VWA7: variants seen among roughly 807,000 people sequenced by gnomAD.
VWA7 encodes von Willebrand factor A domain containing 7.
VWA7 carries 66 observed loss-of-function variants against 83.1 expected under a neutral mutation model. That is an observed-to-expected ratio of 0.79 (90% CI 0.65 to 0.98). The LOEUF is 0.98. Ranked by LOEUF, VWA7 falls within the 50% of genes least tolerant of loss-of-function variation. The pLI, the probability that VWA7 is intolerant of heterozygous loss-of-function variation, is 0.00. For missense variants in VWA7, 1,080 were observed against 1,160.2 expected (o/e 0.93, Z 1.00); for synonymous variants, 424 against 488.5 (o/e 0.87, Z 1.74).
chr6:31,771,990 C>CA (rs34193146), intron 7 of VWA7, among the ~76,000 whole-genome samples: 601 of 41,822 alleles, frequency 0.014, 36 homozygotes, highest in East Asian at 0.042. Context: ...GACTCCGTCT[C>CA]AAAAAAAAAA....
At chr6:31,767,062 C>CATTATATATATAATATATATATTATAT in intron 13 of VWA7, 96 bp downstream of exon 13, 2 of 349,090 alleles carry the variant, frequency 5.7e-6, no homozygotes, top group Non-Finnish European at 1.0e-5. Context: ...TACATATATA[C>CATTATATATATAATATATATATTATAT]ATTATATATA....
rs1412262208 is a variant in VWA7 at position 31,769,821 on chromosome 6, C to G, written c.1201-30G>C. ...CAGGGAAGGCAACGACCAGTGTTAA[C>G]AATGGCAGTAGGAGGGGAATGGGTA... On this transcript the variant is annotated intron_variant, in intron 8 of 16. Coordinates refer to ENST00000375688, the MANE Select transcript of VWA7 (RefSeq NM_025258.3). The surrounding 1 kb of genome is among the most constrained non-coding windows in gnomAD (Gnocchi z 4.5). The G allele has an allele frequency of 6.3e-7, 1 of 1,599,168 alleles. No homozygotes were observed. Among genetic ancestry groups the G allele is most frequent in the East Asian group, 2.2e-5 (1 of 44,828 alleles).
Position 31,765,625 on chromosome 6 carries a change from AC to A in VWA7, c.2644del (p.Val882CysfsTer5), listed in dbSNP as rs1811439894. The part of the protein sequence containing the change: ...GSPWWGTVGG[V>X]LLLLGLASW Reference sequence around the variant, plus strand: ...GGAGGCCAGGCCTAGCAGAAGCAGCACCCCTCCAACTGTGCCCCACCAGGGG... The same window carrying A: ...GGAGGCCAGGCCTAGCAGAAGCAGCACCCTCCAACTGTGCCCCACCAGGGG... On this transcript the variant is annotated frameshift_variant, in exon 17 of 17. Coordinates refer to ENST00000375688, the MANE Select transcript of VWA7 (RefSeq NM_025258.3). LOFTEE classifies it high-confidence loss of function. The A allele has an allele frequency of 3.7e-6, 6 of 1,610,378 alleles. No individual in the cohort carries two copies. Among genetic ancestry groups the A allele is most frequent in the South Asian group, 1.1e-5 (1 of 90,738 alleles).
intron 10 of VWA7, among the ~76,000 whole-genome samples, chr6:31,768,636 C>T (rs996099255): frequency 3.9e-5 from 6 of 151,980 alleles, no homozygotes; most frequent in African/African-American, 1.2e-4. Flanking sequence ...GTCAGGAGTA[C>T]GAAACCAGCC....
chr6:31,765,940 GT>G lies in VWA7; in HGVS notation c.2441del (p.Asn814ThrfsTer47). 6.2e-7 allele frequency: 1 copy of G among 1,613,126 alleles called. No homozygotes were observed. Among genetic ancestry groups the G allele is most frequent in the Non-Finnish European group, 8.5e-7 (1 of 1,180,040 alleles). ...GGAAAGCATGAGTCGGGGGTACTGGGTTGGCTTCTCGTCCCCCTGCAGTCAC... is the reference window on the plus strand; with the variant it reads ...GGAAAGCATGAGTCGGGGGTACTGGGTGGCTTCTCGTCCCCCTGCAGTCAC... ...VTVTAGGREA[N>X]PVPPTHAFLR... On this transcript the variant is annotated frameshift_variant, in exon 16 of 17. Transcript: ENST00000375688. LOFTEE classifies it high-confidence loss of function.
rs1443092905 is a variant in VWA7 at position 31,772,939 on chromosome 6, C to T, written c.1087+15G>A. On this transcript the variant is annotated intron_variant, in intron 7 of 16. Transcript: ENST00000375688. ...ATTTTCCTCCCCTCTACTGTCCTAGCCAGACCACACTTACCTGGGTCATGA... is the reference window on the plus strand; with the variant it reads ...ATTTTCCTCCCCTCTACTGTCCTAGTCAGACCACACTTACCTGGGTCATGA... 7 of 1,607,836 alleles carry T rather than the reference C, an allele frequency of 4.4e-6. No individual in the cohort carries two copies. Among genetic ancestry groups the T allele is most frequent in the Non-Finnish European group, 5.1e-6 (6 of 1,179,254 alleles).
chr6:31,766,523 C>A lies in VWA7; in HGVS notation c.2124G>T (p.Ala708=). The A allele has an allele frequency of 6.2e-7, 1 of 1,609,212 alleles. No homozygotes were observed. Among genetic ancestry groups the A allele is most frequent in the East Asian group, 2.2e-5 (1 of 44,692 alleles). Residue 708 remains alanine (A), a synonymous_variant, in exon 14 of 17, where the codon GCG becomes GCT. Transcript: ENST00000375688. The surrounding 1 kb of genome is among the most constrained non-coding windows in gnomAD (Gnocchi z 4.9). ...GGGCAGCCCTGTGCAGGCGCCGCCC[C>A]GCTGCGTCCTGGCCAATCAGCTCCA... ...FSLELIGQDA[A]GRRLHRAAPQ... is the part of the protein sequence containing the mutation.
Position 31,769,675 on chromosome 6 carries a change from C to T in VWA7, c.1317G>A (p.Arg439=). 6.2e-7 allele frequency: 1 copy of T among 1,612,264 alleles called. No homozygotes were observed. Among genetic ancestry groups the T allele is most frequent in the Non-Finnish European group, 8.5e-7 (1 of 1,179,402 alleles). Residue 439 remains arginine (R), a splice_region_variant and synonymous_variant, in exon 9 of 17, where the codon CGG becomes CGA. Transcript: ENST00000375688. This position sits in a 1 kb window ranked among gnomAD's most constrained non-coding sequence, Gnocchi z 4.5. ...VESLTQERRC[R]VTFLVTEDTS... is the part of the protein sequence containing the mutation. ...TGGGTCTCCCACTAGCTCTGCTCACCCGGCAGCGCCGCTCCTGAGTCAGGG... is the reference window on the plus strand; with the variant it reads ...TGGGTCTCCCACTAGCTCTGCTCACTCGGCAGCGCCGCTCCTGAGTCAGGG...
chr6:31,766,080 G>A lies in VWA7; in HGVS notation c.2325-23C>T, dbSNP rs750967428. The A allele has an allele frequency of 1.6e-5, 26 of 1,611,930 alleles. No homozygotes were observed. Among genetic ancestry groups the A allele is most frequent in the Non-Finnish European group, 2.1e-5 (25 of 1,179,576 alleles). On this transcript the variant is annotated intron_variant, in intron 15 of 16. Transcript: ENST00000375688. The surrounding 1 kb of genome is among the most constrained non-coding windows in gnomAD (Gnocchi z 4.9). The stretch of plus-strand genomic sequence containing the variant: ...GCCCTGGAGAGAGGATATAGGCGTC[G>A]CTAAAGCTCCAGGCTGCCCAGAGCC...
At chr6:31,772,791 G>A (rs536095659) in intron 7 of VWA7, among the ~76,000 whole-genome samples, 163 bp downstream of exon 7, 4 of 151,294 alleles carry the variant, frequency 2.6e-5, no homozygotes, top group African/African-American at 9.7e-5. Flanking sequence ...TAGAGACGGG[G>A]TTTCTCCATA....
At chr6:31,767,303 C>G in intron 12 of VWA7, 53 bp from the exon 13 acceptor site, 1 of 1,612,816 alleles carries the variant, frequency 6.2e-7, no homozygotes, top group Non-Finnish European at 8.5e-7. Flanking sequence ...TGTGACTGAT[C>G]GTGTTCTCTG....
In VWA7 at chr6:31,769,929, G is replaced by A. The variant is rs1812008516; in HGVS notation, c.1200+72C>T. On this transcript the variant is annotated intron_variant, in intron 8 of 16. Coordinates refer to ENST00000375688, the MANE Select transcript of VWA7 (RefSeq NM_025258.3). The surrounding 1 kb of genome is among the most constrained non-coding windows in gnomAD (Gnocchi z 4.5). ...GTGGATCTAGGTGCTGAAGGTGGTG[G>A]GGAGCCCCAGGAGGGATCTAGCTCC... The A allele has an allele frequency of 6.5e-7, 1 of 1,529,148 alleles. No individual in the cohort carries two copies. The highest frequency in any genetic ancestry group is 9.0e-7 in the Non-Finnish European group (1 of 1,106,764). The allele number at this position is 1,529,148 out of a possible 1,614,324, so 94.7% of individuals were successfully genotyped here.
chr6:31,767,344 G>A lies in VWA7; in HGVS notation c.1789+18C>T. 1 of 1,612,684 alleles carries A rather than the reference G, an allele frequency of 6.2e-7. No homozygotes were observed. Among genetic ancestry groups the A allele is most frequent in the Non-Finnish European group, 8.5e-7 (1 of 1,179,196 alleles). ...TGCAGTCTCTGCTTCCCCTTCCCAG[G>A]AACACCTCCCTCCTTACCTTGCACT... On this transcript the variant is annotated intron_variant, in intron 12 of 16. Transcript: ENST00000375688.
Position 31,769,821 on chromosome 6 carries a change from C to CAA in VWA7, c.1201-32_1201-31dup. ...CAGGGAAGGCAACGACCAGTGTTAA[C>CAA]AATGGCAGTAGGAGGGGAATGGGTA... On this transcript the variant is annotated intron_variant, in intron 8 of 16. Transcript: ENST00000375688. This position sits in a 1 kb window ranked among gnomAD's most constrained non-coding sequence, Gnocchi z 4.5. 6.3e-7 allele frequency: 1 copy of CAA among 1,599,286 alleles called. No individual in the cohort carries two copies. The highest frequency in any genetic ancestry group is 1.1e-5 in the South Asian group (1 of 90,774).
rs756860156 is a variant in VWA7 at position 31,767,499 on chromosome 6, TG to T, written c.1651del (p.Gln551ArgfsTer8). 6.2e-7 allele frequency: 1 copy of T among 1,610,580 alleles called. No individual in the cohort carries two copies. Among genetic ancestry groups the T allele is most frequent in the African/African-American group, 1.3e-5 (1 of 74,864 alleles). On this transcript the variant is annotated frameshift_variant, in exon 12 of 17. Coordinates refer to ENST00000375688, the MANE Select transcript of VWA7 (RefSeq NM_025258.3). LOFTEE classifies it high-confidence loss of function. ...ACCTAGAGGACCCCCGCCTTCCTCC[TG>T]GCCCTGGGAGACCCCTGGGGTCAGG... ...IKNPAGVSQG[Q>X]EEGGGPLGHT...
Position 31,775,525 on chromosome 6 carries a change from C to A in VWA7, c.514-96G>T. On this transcript the variant is annotated intron_variant, in intron 3 of 16. Coordinates refer to ENST00000375688, the MANE Select transcript of VWA7 (RefSeq NM_025258.3). The surrounding 1 kb of genome is among the most constrained non-coding windows in gnomAD (Gnocchi z 5.9). The stretch of plus-strand genomic sequence containing the variant: ...TGCCACTCCTTTGAGTTCCCCATCC[C>A]GAAAGTCCCCTCCCACCCCTACTGC... 1 of 1,105,966 alleles carries A rather than the reference C, an allele frequency of 9.0e-7. No homozygotes were observed. The highest frequency in any genetic ancestry group is 2.6e-5 in the East Asian group (1 of 38,692). 68.5% of individuals were successfully genotyped at this position (1,105,966 alleles called of 1,614,324 possible).
In VWA7 at chr6:31,775,953, C is replaced by T. The variant is rs1408456003; in HGVS notation, c.513+11G>A. The T allele has an allele frequency of 6.2e-7, 1 of 1,603,442 alleles. No individual in the cohort carries two copies. The highest frequency in any genetic ancestry group is 8.5e-7 in the Non-Finnish European group (1 of 1,174,800). On this transcript the variant is annotated intron_variant, in intron 3 of 16. Transcript: ENST00000375688. The surrounding 1 kb of genome is among the most constrained non-coding windows in gnomAD (Gnocchi z 5.9). Reference sequence around the variant, plus strand: ...AGACCCCTCTGACCATCAACCCAACCCTGTTCTCACCTGCAGGGCATGAAG... The same window carrying T: ...AGACCCCTCTGACCATCAACCCAACTCTGTTCTCACCTGCAGGGCATGAAG...
rs1299654536 is a variant in VWA7, at chr6:31,771,026, AG to A, written c.1088-914del. On this transcript the variant is annotated intron_variant, in intron 7 of 16. Coordinates refer to ENST00000375688, the MANE Select transcript of VWA7 (RefSeq NM_025258.3). ...CTCTCTCTCTCAAAAAAAAAAAAAA[AG>A]AAAGAAAAGAAAAAAAAAAACTGGG... 2.8e-3 allele frequency among the ~76,000 whole-genome samples: 403 copies of A among 145,946 alleles called. 12 individuals are homozygous for A. The highest frequency in any genetic ancestry group is 8.4e-3 in the African/African-American group (330 of 39,326).
rs1050623294 is a variant in VWA7, at chr6:31,776,744, G to C, written c.36C>G (p.Gly12=). Reference sequence around the variant, plus strand: ...GCTGCAGCAGAAGCAACGCTGAGGGGCCCGGGTGGGATTGGGGGACCTCCG... The same window carrying C: ...GCTGCAGCAGAAGCAACGCTGAGGGCCCCGGGTGGGATTGGGGGACCTCCG... ...LPTEVPQSHP[G]PSALLLLQLL... The change falls in exon 2 of 17, where the codon GGC becomes GGG. Residue 12 remains glycine (G), a synonymous_variant. Transcript: ENST00000375688. The surrounding 1 kb of genome is among the most constrained non-coding windows in gnomAD (Gnocchi z 6.2). The C allele has an allele frequency of 2.5e-5, 36 of 1,462,100 alleles. No homozygotes were observed. The highest frequency in any genetic ancestry group is 3.3e-5 in the Non-Finnish European group (36 of 1,101,090). The allele number at this position is 1,462,100 out of a possible 1,614,324, so 90.6% of individuals were successfully genotyped here.
Sources: gnomAD v4.1 joint callset for allele counts (sites outside exome capture counted in the v4.1 genomes callset) on GRCh38, gnomAD v4.1.1 for gene constraint, Gnocchi (gnomAD v3.1) non-coding constraint, MANE v1.5 for transcripts, NCBI Gene and HGNC (gene_info 2026-07-23, HGNC 2026-07-21) for gene names.